Variants in NOP9 observed in about 807,000 individuals in gnomAD.
The protein encoded by NOP9 is NOP9 nucleolar protein.
NOP9 carries 50 observed loss-of-function variants against 63.0 expected under a neutral mutation model. The observed-to-expected ratio is 0.79, with a 90% CI of 0.63 to 1.00. NOP9 has a LOEUF of 1.00. Ranked by LOEUF, NOP9 falls within the 50% of genes least tolerant of loss-of-function variation. The probability of loss-of-function intolerance (pLI) is 0.00; values close to 1 mark genes in which losing one functional copy is unlikely to be tolerated. For synonymous variants in NOP9, 343 were observed against 332.8 expected, an observed-to-expected ratio of 1.03 and a Z score of -0.33; for missense variants, 758 against 803.0, an observed-to-expected ratio of 0.94 and a Z score of 0.68.
In NOP9 at chr14:24,303,966, G is replaced by T. The variant is rs189010949; in HGVS notation, c.1411-75G>T. 1,868 of 1,578,238 alleles carry T rather than the reference G, an allele frequency of 1.2e-3. 5 individuals are homozygous for T. Among genetic ancestry groups the T allele is most frequent in the South Asian group, 2.2e-3 (199 of 89,888 alleles). On this transcript the variant is annotated intron_variant, in intron 7 of 9. Coordinates refer to ENST00000267425, the MANE Select transcript of NOP9 (RefSeq NM_174913.3). ...GAGTGGTGACTTCATCCAGGTGGAGGTGGCAGTGTTCTGGGGATGGGCTCA... is the reference window on the plus strand; with the variant it reads ...GAGTGGTGACTTCATCCAGGTGGAGTTGGCAGTGTTCTGGGGATGGGCTCA...
chr14:24,295,883 C>G (rs2041240550), upstream of NOP9, among the ~76,000 whole-genome samples: 1 of 152,208 alleles, frequency 6.6e-6, no homozygotes, highest in African/African-American at 2.4e-5. Context: ...CCACAGGTGA[C>G]TGATCACATC....
chr14:24,295,229 A>ATT (rs567245872), upstream of NOP9, among the ~76,000 whole-genome samples: 1 of 152,204 alleles, frequency 6.6e-6, no homozygotes, highest in Non-Finnish European at 1.5e-5. Context: ...ATGCCAGGCT[A>ATT]TTAATAGTAG....
Position 24,300,097 on chromosome 14 carries a change from A to T in NOP9, c.143A>T (p.Glu48Val). ...QPWPPPDGRS[E>V]PAPDSHPHLS... ...TGGCCGCCTCCGGATGGGCGCTCGGAGCCGGCTCCAGATTCGCACCCGCAC... is the reference window on the plus strand; with the variant it reads ...TGGCCGCCTCCGGATGGGCGCTCGGTGCCGGCTCCAGATTCGCACCCGCAC... Residue 48 changes from glutamate to valine, a missense_variant, in exon 1 of 10, where the codon GAG becomes GTG. By Grantham distance (121) the Glu-to-Val change is moderately radical. Transcript: ENST00000267425. 6.2e-7 allele frequency: 1 copy of T among 1,613,326 alleles called. No individual in the cohort carries two copies. Among genetic ancestry groups the T allele is most frequent in the Non-Finnish European group, 8.5e-7 (1 of 1,179,860 alleles).
intron 6 of NOP9, among the ~76,000 whole-genome samples, chr14:24,303,442 A>T (rs2041414117): frequency 6.7e-6 from 1 of 150,138 alleles, no homozygotes; most frequent in East Asian, 1.9e-4. Flanking sequence ...GCTGGAGTGC[A>T]GTGGCGCAAT....
intron 8 of NOP9, 52 bp downstream of exon 8, chr14:24,304,329 T>C: frequency 6.7e-7 from 1 of 1,494,144 alleles, no homozygotes; most frequent in Non-Finnish European, 9.3e-7. Flanking sequence ...ATTTAGAGAA[T>C]ATGAGCTTTC....
At position 24,305,692 on chromosome 14, in the gene NOP9, G is replaced by A. The variant is rs770371889; in HGVS notation, c.*597G>A. On this transcript the variant is annotated 3_prime_UTR_variant, in exon 10 of 10. Transcript: ENST00000267425. ...TGCTCAGCCCCCTCCACTGCATGAC[G>A]AAGGGTGGAGGAAATTCCCAGCAAC... 8 of 1,614,170 alleles carry A rather than the reference G, an allele frequency of 5.0e-6. No individual in the cohort carries two copies. The highest frequency in any genetic ancestry group is 2.2e-5 in the East Asian group (1 of 44,884).
At chr14:24,281,797 A>G in the NOP9 span, among the ~76,000 whole-genome samples, 1 of 152,154 alleles carries the variant, frequency 6.6e-6, no homozygotes, top group African/African-American at 2.4e-5. Flanking sequence ...AGTTTAGGGA[A>G]GAGTAAGGCT....
chr14:24,278,538 C>T, the NOP9 span, among the ~76,000 whole-genome samples: 1 of 152,066 alleles, frequency 6.6e-6, no homozygotes. Flanking sequence ...GATTGTTGGG[C>T]CAGATTTGTC....
upstream of NOP9, chr14:24,296,794 G>C (rs2295304): frequency 3.0e-4 from 482 of 1,614,202 alleles, 5 homozygotes; most frequent in East Asian, 0.011. Context: ...TGCTGTTCCC[G>C]ATCCACTTGC....
rs781072146 is a variant in NOP9 at position 24,303,690 on chromosome 14, G to A, written c.1285-42G>A. The stretch of plus-strand genomic sequence containing the variant: ...TTCCCTTAAAGTTGAGGTAAGGGAC[G>A]GAGAAGTTCTCAGGTTCATCATATT... On this transcript the variant is annotated intron_variant, in intron 6 of 9. Coordinates refer to ENST00000267425, the MANE Select transcript of NOP9 (RefSeq NM_174913.3). The A allele has an allele frequency of 4.6e-5, 74 of 1,598,264 alleles. 1 individual carries two copies. Among genetic ancestry groups the A allele is most frequent in the Non-Finnish European group, 5.5e-5 (64 of 1,166,810 alleles).
chr14:24,287,730 T>C, the NOP9 span, among the ~76,000 whole-genome samples: 2 of 152,190 alleles, frequency 1.3e-5, no homozygotes, highest in Non-Finnish European at 2.9e-5. Context: ...CCATCCTTTA[T>C]GTGTCTGGTT....
Position 24,300,197 on chromosome 14 carries a change from A to G in NOP9, c.243A>G (p.Glu81=). The change falls in exon 1 of 10, where the codon GAA becomes GAG. Residue 81 remains glutamate, a synonymous_variant. Coordinates refer to ENST00000267425, the MANE Select transcript of NOP9 (RefSeq NM_174913.3). ...ALKEAPETGE[E]RDLMVHNIMK... ...AAGAGGCTCCCGAGACTGGGGAAGA[A>G]CGAGGTAGGCAGCAACTTCGGGGTT... 4 of 1,613,716 alleles carry G rather than the reference A, an allele frequency of 2.5e-6. No homozygotes were observed. The highest frequency in any genetic ancestry group is 3.4e-6 in the Non-Finnish European group (4 of 1,179,738).
the NOP9 span, among the ~76,000 whole-genome samples, chr14:24,285,595 C>T: frequency 5.9e-5 from 9 of 152,286 alleles, no homozygotes; most frequent in African/African-American, 1.2e-4. Context: ...TGGCTGCCTC[C>T]GGGCTGAGGG....
chr14:24,295,671 C>T (rs2041237215), upstream of NOP9, among the ~76,000 whole-genome samples: 1 of 152,180 alleles, frequency 6.6e-6, no homozygotes, highest in Non-Finnish European at 1.5e-5. Context: ...GAACACTGGC[C>T]AATTTCCAGC....
chr14:24,288,858 T>A, the NOP9 span, among the ~76,000 whole-genome samples: 2 of 152,208 alleles, frequency 1.3e-5, no homozygotes, highest in Non-Finnish European at 2.9e-5. Context: ...GTTTTTTGTT[T>A]TTTTGAGACT....
the NOP9 span, among the ~76,000 whole-genome samples, chr14:24,285,029 G>A: frequency 1.3e-4 from 20 of 152,242 alleles, 1 homozygote; most frequent in Admixed American, 9.2e-4. Context: ...CTGATACCTC[G>A]GTCCAGCCCT....
At chr14:24,293,646 C>T in the NOP9 span, 2 of 151,864 alleles carry the variant, frequency 1.3e-5, no homozygotes, top group Non-Finnish European at 2.9e-5. Context: ...AGACTAATGT[C>T]TTGTGGGTGA....
the NOP9 span, among the ~76,000 whole-genome samples, chr14:24,277,092 G>C: frequency 2.6e-5 from 4 of 152,272 alleles, no homozygotes; most frequent in South Asian, 8.3e-4. Context: ...TATTTCTGAG[G>C]ACCAGTAGGC....
Position 24,300,769 on chromosome 14 carries a change from C to A in NOP9, c.609C>A (p.Gly203=). 1 of 1,614,194 alleles carries A rather than the reference C, an allele frequency of 6.2e-7. No homozygotes were observed. The highest frequency in any genetic ancestry group is 8.5e-7 in the Non-Finnish European group (1 of 1,180,044). Residue 203 remains glycine, a synonymous_variant, in exon 2 of 10, where the codon GGC becomes GGA. Transcript: ENST00000267425. ...TTGTCTACTGTGGAGACACACATGG[C>A]AGCTTCGTGGTCAGAACTCTGCTTC... is the stretch of plus-strand genomic sequence containing the variant. ...DFLVYCGDTH[G]SFVVRTLLQV... is the part of the protein sequence containing the mutation.
Sources: gnomAD v4.1 joint callset for allele counts (sites outside exome capture counted in the v4.1 genomes callset) on GRCh38, gnomAD v4.1.1 for gene constraint, MANE v1.5 for transcripts, NCBI Gene and HGNC (gene_info 2026-07-23, HGNC 2026-07-21) for gene names.